MPPED2: variants seen among roughly 807,000 people sequenced by gnomAD.
MPPED2 encodes the protein metallophosphoesterase domain containing 2, also known as metallophosphoesterase MPPED2.
A neutral mutation model predicts 33.0 loss-of-function variants in MPPED2; 5 were observed. The observed-to-expected ratio is 0.15, with a 90% CI of 0.08 to 0.32. The LOEUF is 0.32. Ranked by LOEUF, MPPED2 falls within the 10% of genes least tolerant of loss-of-function variation. MPPED2 has a pLI of 1.00. For missense variants in MPPED2, 275 were observed against 372.1 expected, an observed-to-expected ratio of 0.74 and a Z score of 2.15; for synonymous variants, 136 against 141.9, an observed-to-expected ratio of 0.96 and a Z score of 0.29.
chr11:30,520,168 T>C (rs1953777768), intron 3 of MPPED2, among the ~76,000 whole-genome samples: 1 of 152,144 alleles, frequency 6.6e-6, no homozygotes, highest in African/African-American at 2.4e-5. Context: ...AAAAAAAGAA[T>C]GCTGCTTCTT....
chr11:30,481,744 G>T (rs1951497373), intron 4 of MPPED2, among the ~76,000 whole-genome samples: 2 of 151,994 alleles, frequency 1.3e-5, no homozygotes, highest in Admixed American at 6.6e-5. Context: ...GCACCAAAAA[G>T]GTCTGGGTTT....
At chr11:30,504,892 C>T (rs1952748988) in intron 3 of MPPED2, 1 of 994,936 alleles carries the variant, frequency 1.0e-6, no homozygotes. Flanking sequence ...GAGCCAGAAA[C>T]CCAGGAGAAG....
In MPPED2 at chr11:30,386,912, A is replaced by G. The variant is rs1590144745; in HGVS notation, c.*1977T>C. On this transcript the variant is annotated 3_prime_UTR_variant, in exon 7 of 7. Transcript: ENST00000448418. ...ATTAAGCATCTGCCAAATGTTGGGCATTGCACTTGCCTCATATATGCCTAA... is the reference window on the plus strand; with the variant it reads ...ATTAAGCATCTGCCAAATGTTGGGCGTTGCACTTGCCTCATATATGCCTAA... The G allele has an allele frequency of 2.5e-5, 10 of 396,308 alleles. No homozygotes were observed. In the East Asian group the frequency reaches 3.6e-4, roughly 14 times the overall value. The allele number at this position is 396,308 out of a possible 1,614,324, so 24.5% of individuals were successfully genotyped here. A position where few individuals can be genotyped will look rare whatever the true frequency, so the allele number is the denominator to read the frequency against.
intron 4 of MPPED2, among the ~76,000 whole-genome samples, chr11:30,480,330 AT>A (rs1207357326): frequency 6.6e-6 from 1 of 152,012 alleles, no homozygotes; most frequent in African/African-American, 2.4e-5. Context: ...ACATTCTGAC[AT>A]TTTCTTTTCT....
intron 2 of MPPED2, among the ~76,000 whole-genome samples, chr11:30,575,665 G>C (rs1276783258): frequency 6.6e-6 from 1 of 152,224 alleles, no homozygotes; most frequent in Non-Finnish European, 1.5e-5. Context: ...GGAAGTCTAA[G>C]AAACTGACTG....
At chr11:30,548,279 T>C (rs750674405) in intron 2 of MPPED2, among the ~76,000 whole-genome samples, 6 of 152,068 alleles carry the variant, frequency 3.9e-5, no homozygotes, top group Non-Finnish European at 7.4e-5. Flanking sequence ...AAAGGTGCGA[T>C]CATAGCTCAC....
At chr11:30,550,775 A>G (rs1043728491) in intron 2 of MPPED2, among the ~76,000 whole-genome samples, 1 of 152,196 alleles carries the variant, frequency 6.6e-6, no homozygotes, top group Non-Finnish European at 1.5e-5. Context: ...CTTCATGATG[A>G]GAGGCCAAAC....
intron 4 of MPPED2, among the ~76,000 whole-genome samples, chr11:30,423,533 G>A (rs532459873): frequency 2.0e-5 from 3 of 151,968 alleles, no homozygotes. Context: ...TTAGCGTAAC[G>A]AGCACCTGCA....
chr11:30,505,129 C>T (rs1952761731), intron 3 of MPPED2, among the ~76,000 whole-genome samples: 1 of 152,172 alleles, frequency 6.6e-6, no homozygotes. Context: ...TAACAACTGA[C>T]AAGTGCAAAT....
intron 4 of MPPED2, among the ~76,000 whole-genome samples, chr11:30,463,013 A>G (rs1950568120): frequency 1.3e-5 from 2 of 152,234 alleles, no homozygotes; most frequent in South Asian, 4.1e-4. Context: ...TCCTAAAAGG[A>G]AACAAGAGTC....
intron 4 of MPPED2, among the ~76,000 whole-genome samples, chr11:30,420,497 T>C (rs1948563222): frequency 6.6e-6 from 1 of 152,226 alleles, no homozygotes; most frequent in South Asian, 2.1e-4. Flanking sequence ...TGTGACTTGA[T>C]AGAGCAGAAA....
At chr11:30,523,621 C>CT (rs755853042) in intron 3 of MPPED2, among the ~76,000 whole-genome samples, 8,077 of 104,464 alleles carry the variant, frequency 0.077, 546 homozygotes, top group African/African-American at 0.13. Flanking sequence ...AGCAACACAT[C>CT]TTTTTTTTTT....
At chr11:30,503,948 A>G (rs557961485) in intron 3 of MPPED2, among the ~76,000 whole-genome samples, 1 of 152,342 alleles carries the variant, frequency 6.6e-6, no homozygotes, top group East Asian at 1.9e-4. Flanking sequence ...GTGCTAGAAA[A>G]AAAAGCTAAC....
chr11:30,508,875 T>C (rs576859571), intron 3 of MPPED2, among the ~76,000 whole-genome samples: 42 of 152,290 alleles, frequency 2.8e-4, no homozygotes, highest in African/African-American at 8.9e-4. Context: ...ACGAGTTCTC[T>C]TTCTGCCACA....
chr11:30,583,134 C>CTTTTTTTTTTTTTTTTTT lies in MPPED2; in HGVS notation c.-121-2658_-121-2641dup, dbSNP rs199611856. Reference sequence around the variant, plus strand: ...CACAAACACCTGGAAAAGACTTTTTCTTTTTTTTTTTTTTTTTTTTTTTTT... The same window carrying CTTTTTTTTTTTTTTTTTT: ...CACAAACACCTGGAAAAGACTTTTTCTTTTTTTTTTTTTTTTTTTTTTTTTTTTTTTTTTTTTTTTTTT... On this transcript the variant is annotated intron_variant, in intron 1 of 6. Coordinates refer to ENST00000358117, the MANE Select transcript of MPPED2 (RefSeq NM_001584.3). 1.0e-3 allele frequency among the ~76,000 whole-genome samples: 98 copies of CTTTTTTTTTTTTTTTTTT among 96,672 alleles called. 6 individuals are homozygous for CTTTTTTTTTTTTTTTTTT. Among genetic ancestry groups the CTTTTTTTTTTTTTTTTTT allele is most frequent in the African/African-American group, 2.5e-3 (51 of 20,686 alleles). The allele number at this position is 96,672 out of a possible 152,430, so 63.4% of individuals were successfully genotyped here.
At chr11:30,456,306 G>A (rs984486640) in intron 4 of MPPED2, among the ~76,000 whole-genome samples, 13 of 152,288 alleles carry the variant, frequency 8.5e-5, no homozygotes, top group African/African-American at 2.6e-4. Flanking sequence ...CAAAGAAAAG[G>A]GGTTTGAGTA....
At chr11:30,547,951 C>T (rs1246469073) in intron 2 of MPPED2, among the ~76,000 whole-genome samples, 2 of 152,072 alleles carry the variant, frequency 1.3e-5, no homozygotes, top group African/African-American at 4.8e-5. Context: ...TCAATGTGAC[C>T]ACAAATTATA....
chr11:30,398,157 G>T (rs1350184315), intron 6 of MPPED2, among the ~76,000 whole-genome samples: 1 of 152,150 alleles, frequency 6.6e-6, no homozygotes, highest in Non-Finnish European at 1.5e-5. Flanking sequence ...CCATAGCAGA[G>T]TTAAATTTGC....
At chr11:30,449,906 T>C (rs1312040333) in intron 4 of MPPED2, among the ~76,000 whole-genome samples, 1 of 152,230 alleles carries the variant, frequency 6.6e-6, no homozygotes, top group Admixed American at 6.5e-5. Context: ...TCATCTGCCC[T>C]AGATGCCCAA....
Sources: gnomAD v4.1 joint callset for allele counts (sites outside exome capture counted in the v4.1 genomes callset) on GRCh38, gnomAD v4.1.1 for gene constraint, MANE v1.5 for transcripts, NCBI Gene and HGNC (gene_info 2026-07-23, HGNC 2026-07-21) for gene names.